GALNT13: variants seen among roughly 807,000 people sequenced by gnomAD.
GALNT13 encodes polypeptide N-acetylgalactosaminyltransferase 13, also known as UDP-GalNAc:polypeptide N-acetylgalactosaminyltransferase 13.
A neutral mutation model predicts 64.2 loss-of-function variants in GALNT13; 28 were observed. That is an observed-to-expected ratio of 0.44 (90% CI 0.32 to 0.60). The LOEUF is 0.60. Ranked by LOEUF, GALNT13 falls within the 20% of genes least tolerant of loss-of-function variation. The probability of loss-of-function intolerance (pLI) is 0.05; values close to 1 mark genes in which losing one functional copy is unlikely to be tolerated. For synonymous variants in GALNT13, 214 were observed against 224.6 expected (o/e 0.95, Z 0.42); for missense variants, 577 against 669.8 (o/e 0.86, Z 1.53).
At chr2:153,846,273 T>G in the GALNT13 span, among the ~76,000 whole-genome samples, 4 of 152,134 alleles carry the variant, frequency 2.6e-5, no homozygotes, top group Admixed American at 2.0e-4. Flanking sequence ...TAAATATATG[T>G]AGAATTTAAA....
chr2:153,974,171 G>A (rs1254434076), intron 3 of GALNT13, among the ~76,000 whole-genome samples: 3 of 151,978 alleles, frequency 2.0e-5, no homozygotes, highest in Non-Finnish European at 4.4e-5. Flanking sequence ...CCTGCTCAGT[G>A]TCCTTCAATA....
At chr2:154,385,266 A>G (rs948033299) in intron 9 of GALNT13, among the ~76,000 whole-genome samples, 3 of 151,954 alleles carry the variant, frequency 2.0e-5, no homozygotes, top group African/African-American at 7.2e-5. Flanking sequence ...TAATTGTCAG[A>G]TCAATAAAGT....
the GALNT13 span, among the ~76,000 whole-genome samples, chr2:153,293,414 G>A: frequency 6.6e-6 from 1 of 151,982 alleles, no homozygotes. Flanking sequence ...TGAGAGAGGG[G>A]GAGATTTGAA....
chr2:154,087,640 C>T (rs1372239850), intron 3 of GALNT13, among the ~76,000 whole-genome samples: 1 of 152,002 alleles, frequency 6.6e-6, no homozygotes, highest in African/African-American at 2.4e-5. Context: ...GCTCATGTGT[C>T]CCCTAAAATA....
the GALNT13 span, among the ~76,000 whole-genome samples, chr2:153,396,856 T>C: frequency 6.6e-6 from 1 of 152,158 alleles, no homozygotes; most frequent in Non-Finnish European, 1.5e-5. Flanking sequence ...TTGTTGACCT[T>C]TGCCAGCCAT....
the GALNT13 span, among the ~76,000 whole-genome samples, chr2:153,790,051 G>A: frequency 3.9e-5 from 6 of 152,098 alleles, no homozygotes; most frequent in Non-Finnish European, 5.9e-5. Context: ...TCAAAAAATT[G>A]ATGAGGAGGG....
the GALNT13 span, among the ~76,000 whole-genome samples, chr2:153,201,421 C>T: frequency 2.6e-5 from 4 of 152,182 alleles, no homozygotes; most frequent in Non-Finnish European, 4.4e-5. Context: ...TCCTTCCCTC[C>T]CTGCCAAGCC....
At chr2:153,948,988 C>T in intron 3 of GALNT13, among the ~76,000 whole-genome samples, 1 of 143,250 alleles carries the variant, frequency 7.0e-6, no homozygotes, top group African/African-American at 2.4e-5. Context: ...TGCCCCTGAA[C>T]TTAAAATAAA....
intron 9 of GALNT13, among the ~76,000 whole-genome samples, chr2:154,385,690 A>G (rs2105340736): frequency 6.6e-6 from 1 of 152,114 alleles, no homozygotes; most frequent in Admixed American, 6.6e-5. Context: ...TCCCTTAAGT[A>G]ATAGTTTATC....
At chr2:153,396,732 T>C in the GALNT13 span, among the ~76,000 whole-genome samples, 1 of 152,122 alleles carries the variant, frequency 6.6e-6, no homozygotes, top group Non-Finnish European at 1.5e-5. Flanking sequence ...AACATGCAAC[T>C]CTTCCTCTGG....
chr2:153,212,988 CA>C, the GALNT13 span, among the ~76,000 whole-genome samples: 4 of 152,142 alleles, frequency 2.6e-5, no homozygotes, highest in Non-Finnish European at 4.4e-5. Context: ...CTTACACATC[CA>C]GGGGTCACTA....
the GALNT13 span, among the ~76,000 whole-genome samples, chr2:153,693,243 A>G: frequency 2.6e-5 from 4 of 152,288 alleles, no homozygotes; most frequent in Admixed American, 6.5e-5. Context: ...GCAAGCCCCA[A>G]TGGTAGAATC....
intron 4 of GALNT13, among the ~76,000 whole-genome samples, chr2:154,140,896 T>C (rs894025924): frequency 6.6e-6 from 1 of 152,198 alleles, no homozygotes; most frequent in African/African-American, 2.4e-5. Context: ...AATTTTGTCA[T>C]TGTGTAAGCA....
chr2:154,190,687 G>A (rs1686527496), intron 4 of GALNT13, among the ~76,000 whole-genome samples: 1 of 152,096 alleles, frequency 6.6e-6, no homozygotes, highest in African/African-American at 2.4e-5. Flanking sequence ...GTTTAGCATT[G>A]CAACCTCTGA....
In GALNT13 at chr2:154,086,116, T is replaced by C. The variant is rs1701509483; in HGVS notation, c.143-54221T>C. Reference sequence around the variant, plus strand: ...TGTGCTATTTATATATAATATATATTATGTGATTATATATCATATAATAAA... The same window carrying C: ...TGTGCTATTTATATATAATATATATCATGTGATTATATATCATATAATAAA... On this transcript the variant is annotated intron_variant, in intron 3 of 12. Coordinates refer to ENST00000392825, the MANE Select transcript of GALNT13 (RefSeq NM_052917.4). 2.0e-5 allele frequency among the ~76,000 whole-genome samples: 3 copies of C among 148,410 alleles called. No homozygotes were observed. In the South Asian group the frequency reaches 6.3e-4, roughly 31 times the overall value.
intron 9 of GALNT13, among the ~76,000 whole-genome samples, chr2:154,320,446 A>T (rs906912753): frequency 3.3e-5 from 5 of 152,194 alleles, no homozygotes; most frequent in Non-Finnish European, 7.4e-5. Context: ...GCTTCTTATC[A>T]GCCTTCTGAG....
chr2:153,152,175 A>G, the GALNT13 span, among the ~76,000 whole-genome samples: 1 of 151,980 alleles, frequency 6.6e-6, no homozygotes, highest in Non-Finnish European at 1.5e-5. Flanking sequence ...TTTCCTTATT[A>G]GAAATGACTT....
At chr2:154,414,940 C>T (rs1699944741) in intron 11 of GALNT13, among the ~76,000 whole-genome samples, 1 of 151,632 alleles carries the variant, frequency 6.6e-6, no homozygotes, top group Non-Finnish European at 1.5e-5. Flanking sequence ...AAAATTGGTA[C>T]TCAGATCATA....
At chr2:153,708,672 A>G in the GALNT13 span, among the ~76,000 whole-genome samples, 1 of 152,156 alleles carries the variant, frequency 6.6e-6, no homozygotes, top group East Asian at 1.9e-4. Context: ...TTTGTATTTA[A>G]CAATTAAAAG....
Sources: allele counts gnomAD v4.1 joint callset (sites outside exome capture counted in the v4.1 genomes callset), GRCh38; gene constraint gnomAD v4.1.1; transcripts MANE v1.5; gene names NCBI Gene and HGNC (gene_info 2026-07-23, HGNC 2026-07-21).